Variants in C12orf42 observed in about 807,000 individuals in gnomAD.
C12orf42 encodes the protein uncharacterized protein C12orf42.
In C12orf42, 25 loss-of-function variants were observed where a neutral mutation model predicts 21.6. The observed-to-expected ratio is 1.16, with a 90% CI of 0.84 to 1.62. The LOEUF (loss-of-function observed/expected upper bound fraction) is 1.62. C12orf42 is among the 40% of genes most tolerant of loss of function. C12orf42 has a pLI of 0.00. For synonymous variants in C12orf42, 174 were observed against 175.0 expected (o/e 0.99, Z 0.05); for missense variants, 483 against 459.3 (o/e 1.05, Z -0.47).
chr12:103,095,867 T>C, the C12orf42 span, among the ~76,000 whole-genome samples: 1 of 152,168 alleles, frequency 6.6e-6, no homozygotes, highest in East Asian at 1.9e-4. Flanking sequence ...AAAAGTCTTA[T>C]TAGAACAATT....
At chr12:103,479,901 T>C (rs1954342508) in intron 1 of C12orf42, among the ~76,000 whole-genome samples, 1 of 152,044 alleles carries the variant, frequency 6.6e-6, no homozygotes, top group Non-Finnish European at 1.5e-5. Flanking sequence ...AAATTGCCTT[T>C]TTCCACTTTA....
At chr12:103,427,572 G>A (rs2139259978) in intron 2 of C12orf42, among the ~76,000 whole-genome samples, 1 of 152,232 alleles carries the variant, frequency 6.6e-6, no homozygotes, top group East Asian at 1.9e-4. Context: ...AGATCAATGA[G>A]ACAGAAAATT....
chr12:103,510,101 G>A, the C12orf42 span, among the ~76,000 whole-genome samples: 1 of 152,210 alleles, frequency 6.6e-6, no homozygotes, highest in Non-Finnish European at 1.5e-5. Flanking sequence ...TGTGGAGCCA[G>A]CCCAAATGTC....
At chr12:103,439,348 C>T (rs964440557) in intron 2 of C12orf42, among the ~76,000 whole-genome samples, 2 of 151,890 alleles carry the variant, frequency 1.3e-5, no homozygotes, top group African/African-American at 4.8e-5. Context: ...TAGGCATGGG[C>T]AAGGACTTCA....
intron 5 of C12orf42, 31 bp downstream of exon 5, chr12:103,305,943 G>C (rs1296172779): frequency 3.8e-6 from 6 of 1,566,710 alleles, no homozygotes; most frequent in African/African-American, 1.4e-5. Context: ...GTTGAAACAA[G>C]AAGAGTCAGT....
chr12:103,343,814 T>C (rs1458931640), intron 4 of C12orf42, among the ~76,000 whole-genome samples: 1 of 151,864 alleles, frequency 6.6e-6, no homozygotes, highest in African/African-American at 2.4e-5. Flanking sequence ...AGAAAACATT[T>C]CCTGACATGC....
At chr12:103,480,768 G>A (rs1252381455) in intron 1 of C12orf42, among the ~76,000 whole-genome samples, 1 of 151,344 alleles carries the variant, frequency 6.6e-6, no homozygotes, top group African/African-American at 2.4e-5. Context: ...AGATTTGTTT[G>A]ATATCAATTC....
chr12:103,244,717 T>C (rs1246576334), intron 10 of C12orf42, among the ~76,000 whole-genome samples: 2 of 152,086 alleles, frequency 1.3e-5, no homozygotes, highest in African/African-American at 2.4e-5. Context: ...ATCTAACTTA[T>C]TTTTCACTTG....
At chr12:103,204,683 C>T in the C12orf42 span, among the ~76,000 whole-genome samples, 2 of 152,100 alleles carry the variant, frequency 1.3e-5, no homozygotes, top group Non-Finnish European at 2.9e-5. Context: ...TAGTATATTT[C>T]ACTGTATCTG....
Position 103,384,697 on chromosome 12 carries a change from G to C in C12orf42, c.148-15699C>G, listed in dbSNP as rs115675273. Among the ~76,000 whole-genome samples, 664 of 152,260 alleles carry C rather than the reference G, an allele frequency of 4.4e-3. 3 individuals carry two copies. The highest frequency in any genetic ancestry group is 0.016 in the African/African-American group (649 of 41,550). On this transcript the variant is annotated intron_variant, in intron 3 of 5. Coordinates refer to ENST00000548883, the MANE Select transcript of C12orf42 (RefSeq NM_198521.5). ...GAGCAGAATAGTTACATCCAATCAA[G>C]TCAAGGAATTACACAGTTATCCCAG...
intron 5 of C12orf42, among the ~76,000 whole-genome samples, chr12:103,304,637 T>TA (rs1290235015): frequency 6.6e-6 from 1 of 152,142 alleles, no homozygotes; most frequent in East Asian, 1.9e-4. Context: ...CATAGGAAAA[T>TA]AACAGTTTCT....
At chr12:103,560,718 T>G in the C12orf42 span, among the ~76,000 whole-genome samples, 1 of 152,282 alleles carries the variant, frequency 6.6e-6, no homozygotes, top group East Asian at 1.9e-4. Flanking sequence ...CTCCCCATGT[T>G]GGAATCTGGC....
the C12orf42 span, among the ~76,000 whole-genome samples, chr12:103,128,274 G>A: frequency 6.6e-6 from 1 of 152,044 alleles, no homozygotes; most frequent in African/African-American, 2.4e-5. Flanking sequence ...AGAAGGGAAG[G>A]GGGAAGAAAG....
intron 4 of C12orf42, among the ~76,000 whole-genome samples, chr12:103,279,776 G>A (rs2035992809): frequency 6.6e-6 from 1 of 152,328 alleles, no homozygotes; most frequent in South Asian, 2.1e-4. Context: ...GCAGGAGAAA[G>A]AGTCCAGCTT....
At chr12:103,320,356 G>A (rs1566073820) in intron 4 of C12orf42, among the ~76,000 whole-genome samples, 1 of 152,144 alleles carries the variant, frequency 6.6e-6, no homozygotes, top group African/African-American at 2.4e-5. Flanking sequence ...CCCACACTGA[G>A]AAGAGAAATC....
chr12:103,219,047 G>T, the C12orf42 span, among the ~76,000 whole-genome samples: 2 of 152,164 alleles, frequency 1.3e-5, no homozygotes, highest in Non-Finnish European at 2.9e-5. Context: ...GTGGCACCTG[G>T]AATGCCAGGG....
chr12:103,147,122 CATT>C, the C12orf42 span, among the ~76,000 whole-genome samples: 5 of 152,152 alleles, frequency 3.3e-5, no homozygotes, highest in Non-Finnish European at 7.3e-5. Flanking sequence ...TCAGGATTAA[CATT>C]GTAAACTTTT....
At chr12:103,199,415 A>AT in the C12orf42 span, among the ~76,000 whole-genome samples, 1 of 152,182 alleles carries the variant, frequency 6.6e-6, no homozygotes, top group Non-Finnish European at 1.5e-5. Flanking sequence ...GTTGGCAATA[A>AT]TTTTTTTGGA....
chr12:103,253,678 G>T (rs1483149524), intron 10 of C12orf42, among the ~76,000 whole-genome samples: 1 of 152,112 alleles, frequency 6.6e-6, no homozygotes, highest in Non-Finnish European at 1.5e-5. Context: ...CTTTGCTGAA[G>T]TTGAAGTTTT....
Sources: allele counts gnomAD v4.1 joint callset (sites outside exome capture counted in the v4.1 genomes callset), GRCh38; gene constraint gnomAD v4.1.1; transcripts MANE v1.5; gene names NCBI Gene and HGNC (gene_info 2026-07-23, HGNC 2026-07-21).